The following OTOGL variants were observed in gnomAD, a reference collection of about 807,000 sequenced individuals.
OTOGL encodes otogelin-like protein.
Under a neutral mutation model 318.5 loss-of-function variants are expected in OTOGL, and 285 were observed. The ratio of observed to expected loss-of-function variants is 0.89; its 90% CI spans 0.81 to 0.99. The LOEUF is 0.99. OTOGL is among the 50% of genes least tolerant of loss of function. The pLI is 0.00. For missense variants in OTOGL, 2,899 were observed against 2,845.6 expected (o/e 1.02, Z -0.43); for synonymous variants, 987 against 936.5 (o/e 1.05, Z -0.99).
In OTOGL at chr12:80,210,832, A is replaced by G. The variant is rs1592550371; in HGVS notation, c.80-15A>G. 4 of 1,438,860 alleles carry G rather than the reference A, an allele frequency of 2.8e-6. No individual in the cohort carries two copies. The highest frequency in any genetic ancestry group is 3.7e-6 in the Non-Finnish European group (4 of 1,081,552). 89.1% of individuals were successfully genotyped at this position (1,438,860 alleles called of 1,614,324 possible). On this transcript the variant is annotated splice_polypyrimidine_tract_variant and intron_variant, in intron 2 of 58. Coordinates refer to ENST00000547103, the MANE Select transcript of OTOGL (RefSeq NM_001378609.3). Reference sequence around the variant, plus strand: ...GGATAATTTTTTTTCATTCTTATATATTTGTCTCTGGCAGAATATATTTGT... The same window carrying G: ...GGATAATTTTTTTTCATTCTTATATGTTTGTCTCTGGCAGAATATATTTGT...
intron 1 of OTOGL, among the ~76,000 whole-genome samples, chr12:80,141,677 T>A (rs1237710485): frequency 1.3e-5 from 2 of 152,176 alleles, no homozygotes; most frequent in Admixed American, 1.3e-4. Flanking sequence ...GTCTTGTTCC[T>A]GGGATCTCTG....
intron 24 of OTOGL, among the ~76,000 whole-genome samples, chr12:80,275,833 A>T (rs529479295): frequency 1.3e-5 from 2 of 151,790 alleles, no homozygotes; most frequent in Non-Finnish European, 2.9e-5. Flanking sequence ...TCAGATGATC[A>T]TTAACTTTTT....
chr12:80,127,335 C>G (rs10778711), intron 1 of OTOGL, among the ~76,000 whole-genome samples: 1 of 151,110 alleles, frequency 6.6e-6, no homozygotes, highest in Non-Finnish European at 1.5e-5. Flanking sequence ...TTCTGGGTTG[C>G]AAATTCTTTT....
chr12:80,169,305 C>T (rs1178625699), intron 1 of OTOGL, among the ~76,000 whole-genome samples: 2 of 152,106 alleles, frequency 1.3e-5, no homozygotes, highest in African/African-American at 2.4e-5. Context: ...TATGACATGA[C>T]TAGACCATTG....
chr12:80,239,482 C>A, intron 11 of OTOGL, 43 bp downstream of exon 11: 1 of 1,377,020 alleles, frequency 7.3e-7, no homozygotes, highest in Non-Finnish European at 1.0e-6. Flanking sequence ...TTTCTTTATG[C>A]AAAAAGAAGA....
chr12:80,375,527 TG>T lies in OTOGL; in HGVS notation c.6782-1594del, dbSNP rs574658034. Reference sequence around the variant, plus strand: ...GAAAAATAATGTAGAATAAAAGGAATGGAGAATGAGAGGAGCTGGGTTGCTA... The same window carrying T: ...GAAAAATAATGTAGAATAAAAGGAATGAGAATGAGAGGAGCTGGGTTGCTA... On this transcript the variant is annotated intron_variant, in intron 57 of 58. Transcript: ENST00000547103. 2.8e-3 allele frequency among the ~76,000 whole-genome samples: 432 copies of T among 152,198 alleles called. 4 individuals carry two copies. Among genetic ancestry groups the T allele is most frequent in the Admixed American group, 6.8e-3 (104 of 15,268 alleles).
chr12:80,113,566 T>C (rs1314041224), intron 1 of OTOGL, among the ~76,000 whole-genome samples: 2 of 152,154 alleles, frequency 1.3e-5, no homozygotes, highest in African/African-American at 4.8e-5. Flanking sequence ...GTGGTTTTGA[T>C]TGAGTTTCTT....
chr12:80,124,701 T>C (rs1464499038), intron 1 of OTOGL, among the ~76,000 whole-genome samples: 6 of 152,190 alleles, frequency 3.9e-5, no homozygotes, highest in African/African-American at 1.4e-4. Context: ...GTTTGTATCC[T>C]CTTTTATTTC....
intron 11 of OTOGL, among the ~76,000 whole-genome samples, chr12:80,240,664 G>T (rs988657915): frequency 8.6e-5 from 13 of 152,010 alleles, no homozygotes; most frequent in African/African-American, 3.1e-4. Flanking sequence ...GTGATGTGTT[G>T]CCTATAGGCA....
At chr12:80,322,293 T>A (rs1887390350) in intron 34 of OTOGL, among the ~76,000 whole-genome samples, 1 of 152,192 alleles carries the variant, frequency 6.6e-6, no homozygotes, top group South Asian at 2.1e-4. Flanking sequence ...TTTACAGGCC[T>A]CTATTTCCCC....
In OTOGL at chr12:80,318,693, T is replaced by C. The variant is rs1347169795; in HGVS notation, c.3782T>C (p.Leu1261Pro). 6.1e-6 allele frequency: 8 copies of C among 1,311,218 alleles called. No homozygotes were observed. In the South Asian group the frequency reaches 9.8e-5, roughly 16 times the overall value. The allele number at this position is 1,311,218 out of a possible 1,614,324, so 81.2% of individuals were successfully genotyped here. ...LFFYFMITPG[L>P]FKEKVSSLAL... ...TTTTATTTTATGATCACTCCAGGCC[T>C]TTTCAAAGAGAAGGTATCATGTAAG... Residue 1261 changes from leucine (L) to proline (P), a missense_variant, in exon 33 of 59, where the codon CTT (leucine) becomes CCT (proline). Leu to Pro is a moderately conservative substitution (Grantham distance 98). Coordinates refer to ENST00000547103, the MANE Select transcript of OTOGL (RefSeq NM_001378609.3).
intron 1 of OTOGL, among the ~76,000 whole-genome samples, chr12:80,135,593 G>A (rs1565873300): frequency 6.6e-6 from 1 of 152,010 alleles, no homozygotes; most frequent in Non-Finnish European, 1.5e-5. Flanking sequence ...TTTCATTTCT[G>A]AATGACAGTC....
At position 80,370,584 on chromosome 12, in the gene OTOGL, G is replaced by A. The variant is rs1890816645; in HGVS notation, c.6630G>A (p.Trp2210Ter). The A allele has an allele frequency of 1.3e-6, 2 of 1,541,814 alleles. No individual in the cohort carries two copies. Among genetic ancestry groups the A allele is most frequent in the Non-Finnish European group, 8.7e-7 (1 of 1,146,536 alleles). The stretch of plus-strand genomic sequence containing the variant: ...TTGATTTTTAGGTAGGGAGTACCTG[G>A]CACTACAATTGCACCACATATGAAT... ...TSVVYAVGST[W>*]HYNCTTYECV... The change falls in exon 56 of 59, where the codon TGG becomes TGA. Residue 2210 changes from tryptophan (W) to a stop codon, truncating the protein, a stop_gained. Transcript: ENST00000547103. LOFTEE classifies it high-confidence loss of function.
intron 18 of OTOGL, among the ~76,000 whole-genome samples, chr12:80,261,223 C>T (rs752233676): frequency 6.6e-5 from 10 of 152,054 alleles, no homozygotes; most frequent in Non-Finnish European, 1.3e-4. Flanking sequence ...TCAAAAACTT[C>T]CTGCAGGAGA....
chr12:80,260,672 G>A (rs1254775185), intron 18 of OTOGL, among the ~76,000 whole-genome samples: 1 of 152,072 alleles, frequency 6.6e-6, no homozygotes, highest in Non-Finnish European at 1.5e-5. Flanking sequence ...AGTTGACTAT[G>A]GTGAGCTGAA....
intron 1 of OTOGL, among the ~76,000 whole-genome samples, chr12:80,110,293 T>C: frequency 6.6e-6 from 1 of 152,168 alleles, no homozygotes; most frequent in Non-Finnish European, 1.5e-5. Flanking sequence ...GGTCTCGATC[T>C]CCTGACCTCA....
At chr12:80,131,191 CCT>C (rs3043804) in intron 1 of OTOGL, 80,666 of 151,828 alleles carry the variant, frequency 0.53, 21,605 homozygotes, top group Middle Eastern at 0.58. Context: ...CCAACTACCC[CCT>C]GTCTTTGCAT....
intron 35 of OTOGL, among the ~76,000 whole-genome samples, chr12:80,327,192 A>G (rs1887727348): frequency 6.6e-6 from 1 of 152,128 alleles, no homozygotes. Flanking sequence ...ACATAGAAAA[A>G]TGTACTCTCA....
At chr12:80,332,860 C>A (rs1888162013) in intron 37 of OTOGL, 145 bp from the exon 38 acceptor site, 4 of 635,464 alleles carry the variant, frequency 6.3e-6, no homozygotes, top group African/African-American at 1.9e-5. Flanking sequence ...AATGTCGATA[C>A]TATTATTACC....
Sources: gnomAD v4.1 joint callset for allele counts (sites outside exome capture counted in the v4.1 genomes callset) on GRCh38, gnomAD v4.1.1 for gene constraint, MANE v1.5 for transcripts, NCBI Gene and HGNC (gene_info 2026-07-23, HGNC 2026-07-21) for gene names.